The following SIK3 variants were observed in gnomAD, a reference collection of about 807,000 sequenced individuals.
SIK3 encodes serine/threonine-protein kinase SIK3.
Under a neutral mutation model 144.2 loss-of-function variants are expected in SIK3, and 28 were observed. The observed-to-expected ratio is 0.19, with a 90% CI of 0.14 to 0.27. SIK3 has a LOEUF of 0.27. SIK3 is among the 10% of genes least tolerant of loss of function. The probability of loss-of-function intolerance (pLI) is 1.00; values close to 1 mark genes in which losing one functional copy is unlikely to be tolerated. For missense variants in SIK3, 1,319 were observed against 1,776.0 expected (o/e 0.74, Z 4.62); for synonymous variants, 686 against 676.3 (o/e 1.01, Z -0.22).
chr11:116,879,649 TAACTTCAA>T (rs1383747626), intron 6 of SIK3, among the ~76,000 whole-genome samples: 6 of 152,254 alleles, frequency 3.9e-5, no homozygotes, highest in Non-Finnish European at 8.8e-5. Flanking sequence ...TAATTTACTC[TAACTTCAA>T]AAGATAATAC....
intron 3 of SIK3, among the ~76,000 whole-genome samples, chr11:116,943,372 C>T (rs1948418048): frequency 1.3e-5 from 2 of 152,114 alleles, no homozygotes; most frequent in Non-Finnish European, 2.9e-5. Context: ...GGGGCCAACA[C>T]CTCCCATTGA....
chr11:116,896,443 G>A (rs1945404787), intron 5 of SIK3, 67 bp from the exon 6 acceptor site: 2 of 1,543,854 alleles, frequency 1.3e-6, no homozygotes, highest in Admixed American at 1.8e-5. Flanking sequence ...CTACTGTAGT[G>A]TGTGTATGCA....
In SIK3 at chr11:116,857,770, G is replaced by C. The variant is rs556760505; in HGVS notation, c.3655+40C>G. 7.5e-6 allele frequency: 12 copies of C among 1,606,510 alleles called. No homozygotes were observed. In the South Asian group the frequency reaches 1.2e-4, roughly 16 times the overall value. ...AACATTACTGAGTCAGTTGATTAGG[G>C]CAGACTGGCCCAGGACTTCCACTGT... On this transcript the variant is annotated intron_variant, in intron 21 of 24. Coordinates refer to ENST00000445177, the MANE Select transcript of SIK3 (RefSeq NM_001366686.3).
intron 1 of SIK3, 109 bp downstream of exon 1, chr11:117,098,034 A>G: frequency 8.8e-7 from 1 of 1,132,352 alleles, no homozygotes; most frequent in Non-Finnish European, 1.1e-6. Context: ...CCCGGCCCCC[A>G]ACGCTCCCAC....
intron 1 of SIK3, 152 bp downstream of exon 1, chr11:117,097,991 G>T: frequency 1.8e-6 from 2 of 1,091,682 alleles, no homozygotes; most frequent in Admixed American, 5.0e-5. Flanking sequence ...CTAGCTCCGC[G>T]CCCGCCCCGC....
intron 3 of SIK3, among the ~76,000 whole-genome samples, chr11:116,953,451 C>G (rs940541969): frequency 6.6e-6 from 1 of 152,140 alleles, no homozygotes; most frequent in Non-Finnish European, 1.5e-5. Flanking sequence ...TTTTTAGCAT[C>G]TTAAAAATCA....
chr11:116,881,581 A>G (rs1265082734), intron 6 of SIK3, among the ~76,000 whole-genome samples: 2 of 152,088 alleles, frequency 1.3e-5, no homozygotes, highest in African/African-American at 4.8e-5. Flanking sequence ...AAATTTCTCT[A>G]AGTGGTTACA....
chr11:117,085,428 T>C (rs926846805), intron 1 of SIK3, among the ~76,000 whole-genome samples: 15 of 151,942 alleles, frequency 9.9e-5, no homozygotes, highest in African/African-American at 2.2e-4. Context: ...TACCCAGCCC[T>C]GGGGTTTGGT....
In SIK3 at chr11:116,867,806, A is replaced by C; in HGVS notation, c.1952+140T>G. 1 of 841,158 alleles carries C rather than the reference A, an allele frequency of 1.2e-6. No individual in the cohort carries two copies. The highest frequency in any genetic ancestry group is 2.0e-5 in the South Asian group (1 of 50,148). 52.1% of individuals were successfully genotyped at this position (841,158 alleles called of 1,614,324 possible). On this transcript the variant is annotated intron_variant, in intron 15 of 24. Transcript: ENST00000445177. The surrounding 1 kb of genome is among the most constrained non-coding windows in gnomAD (Gnocchi z 4.1). ...GCCCTGTGCATTGCTTACTGCAAGGAGCTGAGAAGATGTGAGTTCAGGATG... is the reference window on the plus strand; with the variant it reads ...GCCCTGTGCATTGCTTACTGCAAGGCGCTGAGAAGATGTGAGTTCAGGATG...
chr11:117,028,743 A>C (rs774003922), intron 1 of SIK3, among the ~76,000 whole-genome samples: 4 of 152,162 alleles, frequency 2.6e-5, no homozygotes, highest in Non-Finnish European at 4.4e-5. Context: ...GCCAGGGATA[A>C]ATCATGAAAG....
intron 1 of SIK3, among the ~76,000 whole-genome samples, chr11:117,079,275 T>C (rs565820661): frequency 3.9e-5 from 6 of 152,324 alleles, no homozygotes; most frequent in Admixed American, 2.6e-4. Flanking sequence ...CTCAATGGAT[T>C]AGAATTCAGA....
intron 3 of SIK3, among the ~76,000 whole-genome samples, chr11:116,938,991 A>C (rs1490494524): frequency 2.0e-5 from 3 of 152,202 alleles, no homozygotes; most frequent in African/African-American, 4.8e-5. Flanking sequence ...TTATTCTAAA[A>C]ACTGATACAT....
chr11:116,924,614 CA>C (rs1947175071), intron 4 of SIK3, among the ~76,000 whole-genome samples: 1 of 152,226 alleles, frequency 6.6e-6, no homozygotes, highest in East Asian at 1.9e-4. Context: ...GCAGGCCCCA[CA>C]GCTCGCAGCA....
chr11:117,040,348 T>C (rs1272651011), intron 1 of SIK3, among the ~76,000 whole-genome samples: 2 of 152,226 alleles, frequency 1.3e-5, no homozygotes, highest in East Asian at 1.9e-4. Context: ...TCGTCATTTA[T>C]TATAGTAAAC....
At chr11:116,913,556 G>A (rs908229570) in intron 4 of SIK3, among the ~76,000 whole-genome samples, 1 of 151,478 alleles carries the variant, frequency 6.6e-6, no homozygotes. Flanking sequence ...GTACTGACTA[G>A]ATGTATAAAG....
chr11:117,090,386 G>GAAAA (rs541351351), intron 1 of SIK3, among the ~76,000 whole-genome samples: 1 of 126,944 alleles, frequency 7.9e-6, no homozygotes, highest in Non-Finnish European at 1.7e-5. Flanking sequence ...TTAGGATAAT[G>GAAAA]AAAAAAAAAA....
intron 3 of SIK3, chr11:116,950,026 C>T: frequency 2.2e-6 from 1 of 450,136 alleles, no homozygotes; most frequent in Admixed American, 2.4e-5. Flanking sequence ...GGGAGGACAG[C>T]AGCCTGGGGT....
intron 9 of SIK3, 31 bp downstream of exon 9, chr11:116,875,835 C>T: frequency 6.3e-7 from 1 of 1,580,642 alleles, no homozygotes; most frequent in Non-Finnish European, 8.6e-7. Flanking sequence ...TGTTACTTGT[C>T]CTGAACTAGG....
intron 15 of SIK3, among the ~76,000 whole-genome samples, chr11:116,866,990 C>T: frequency 6.6e-6 from 1 of 152,152 alleles, no homozygotes; most frequent in East Asian, 1.9e-4. Context: ...ATGTTGATGC[C>T]AAATGGGTAA....
Sources: allele counts gnomAD v4.1 joint callset (sites outside exome capture counted in the v4.1 genomes callset), GRCh38; gene constraint gnomAD v4.1.1; non-coding constraint Gnocchi (gnomAD v3.1); transcripts MANE v1.5; gene names NCBI Gene and HGNC (gene_info 2026-07-23, HGNC 2026-07-21).